PNPLA6: variants seen among roughly 807,000 people sequenced by gnomAD.
The protein encoded by PNPLA6 is patatin like domain 6, lysophospholipase.
In PNPLA6, 105 loss-of-function variants were observed where a neutral mutation model predicts 153.7. The ratio of observed to expected loss-of-function variants is 0.68; its 90% CI spans 0.58 to 0.80. The LOEUF is 0.80. Ranked by LOEUF, PNPLA6 falls within the 30% of genes least tolerant of loss-of-function variation. PNPLA6 has a pLI of 0.00. For synonymous variants in PNPLA6, 825 were observed against 822.2 expected (o/e 1.00, Z -0.06); for missense variants, 1,423 against 1,919.3 (o/e 0.74, Z 4.83).
At chr19:7,559,263 A>T in intron 28 of PNPLA6, 112 bp downstream of exon 28, 1 of 902,650 alleles carries the variant, frequency 1.1e-6, no homozygotes, top group Non-Finnish European at 1.8e-6. Context: ...CAGGAATCCC[A>T]TCTGGAATCT....
chr19:7,556,433 G>A lies in PNPLA6; in HGVS notation c.3094-20G>A, dbSNP rs780285884. 50 of 1,495,616 alleles carry A rather than the reference G, an allele frequency of 3.3e-5. No individual in the cohort carries two copies. The highest frequency in any genetic ancestry group is 1.7e-4 in the Middle Eastern group (1 of 5,868). 92.6% of individuals were successfully genotyped at this position (1,495,616 alleles called of 1,614,324 possible). A position where few individuals can be genotyped will look rare whatever the true frequency, so the allele number is the denominator to read the frequency against. On this transcript the variant is annotated intron_variant, in intron 24 of 31. Coordinates refer to ENST00000600737, the MANE Select transcript of PNPLA6 (RefSeq NM_001166114.2). ...CCCCATGTAACTCCTATTTGACCCT[G>A]TCTGGCCCCTTGTCCCTAGAGCATG...
intron 28 of PNPLA6, among the ~76,000 whole-genome samples, 158 bp downstream of exon 28, chr19:7,559,309 G>T (rs1282090023): frequency 6.6e-6 from 1 of 152,180 alleles, no homozygotes; most frequent in Non-Finnish European, 1.5e-5. Context: ...GGTGATGTCT[G>T]CAGGGGATGT....
At position 7,554,195 on chromosome 19, in the gene PNPLA6, C is replaced by A; in HGVS notation, c.2402-14C>A. 1 of 1,613,558 alleles carries A rather than the reference C, an allele frequency of 6.2e-7. No homozygotes were observed. The highest frequency in any genetic ancestry group is 1.1e-5 in the South Asian group (1 of 91,072). On this transcript the variant is annotated splice_polypyrimidine_tract_variant and intron_variant, in intron 19 of 31. Transcript: ENST00000600737. ...GACCATGGTTCCCAGCCTCCCTTCC[C>A]CACCTACCCCTAGGTCCGACGCTAC...
chr19:7,536,926 C>CAAAAAAAAAAA (rs56310906), intron 3 of PNPLA6, among the ~76,000 whole-genome samples: 2 of 53,964 alleles, frequency 3.7e-5, no homozygotes, highest in Admixed American at 2.1e-4. Context: ...GACTCTGTCT[C>CAAAAAAAAAAA]AAAAAAAAAA....
chr19:7,540,718 A>G lies in PNPLA6; in HGVS notation c.795+8A>G, dbSNP rs1293030452. The G allele has an allele frequency of 5.6e-6, 9 of 1,610,992 alleles. No individual in the cohort carries two copies. Among genetic ancestry groups the G allele is most frequent in the Non-Finnish European group, 7.6e-6 (9 of 1,177,204 alleles). Reference sequence around the variant, plus strand: ...ATCCTGGATGTCATCACCGTGAGTGACCAGTTTCTGAGGCAGGGGGGCTGG... The same window carrying G: ...ATCCTGGATGTCATCACCGTGAGTGGCCAGTTTCTGAGGCAGGGGGGCTGG... On this transcript the variant is annotated splice_region_variant and intron_variant, in intron 6 of 31. Transcript: ENST00000600737. This position sits in a 1 kb window ranked among gnomAD's most constrained non-coding sequence, Gnocchi z 6.8.
chr19:7,557,234 C>T lies in PNPLA6; in HGVS notation c.3347C>T (p.Pro1116Leu), dbSNP rs1389043015. 1 of 1,613,664 alleles carries T rather than the reference C, an allele frequency of 6.2e-7. No homozygotes were observed. The highest frequency in any genetic ancestry group is 8.5e-7 in the Non-Finnish European group (1 of 1,179,912). Residue 1116 changes from proline to leucine, a missense_variant, in exon 27 of 32, where the codon CCC (proline) becomes CTC (leucine). Transcript: ENST00000600737. ...GGCTACCTGCCCCCGCTGTGCGACC[C>T]CAAGGACGGGCACCTACTCATGGAT... Reference protein sequence around the residue: ...LSGYLPPLCDPKDGHLLMDGG... With the variant: ...LSGYLPPLCDLKDGHLLMDGG...
intron 3 of PNPLA6, among the ~76,000 whole-genome samples, chr19:7,538,713 C>T (rs2022986087): frequency 6.6e-6 from 1 of 152,158 alleles, no homozygotes; most frequent in South Asian, 2.1e-4. Flanking sequence ...GGGGCTGTCT[C>T]AAGGTTCTCT....
chr19:7,551,081 G>A lies in PNPLA6; in HGVS notation c.2158G>A (p.Gly720Ser), dbSNP rs1433689344. The change falls in exon 17 of 32, where the codon GGT becomes AGT. Residue 720 changes from glycine to serine, a missense_variant. Around this residue, in one of 10 missense-constraint regions of PNPLA6, gnomAD observed 63 missense variants for 166.2 expected, o/e 0.38. Transcript: ENST00000600737. ...ELAKLPEGTL[G>S]HIKRRYPQVV... ...GGCCAAGCTTCCCGAGGGCACCTTG[G>A]GTCACATCAAACGCCGGTACCCGCA... is the stretch of plus-strand genomic sequence containing the variant. The A allele has an allele frequency of 6.5e-7, 1 of 1,549,430 alleles. No homozygotes were observed. Among genetic ancestry groups the A allele is most frequent in the Admixed American group, 2.0e-5 (1 of 50,986 alleles).
At position 7,554,268 on chromosome 19, in the gene PNPLA6, G is replaced by C. The variant is rs779192117; in HGVS notation, c.2461G>C (p.Asp821His). 6.2e-7 allele frequency: 1 copy of C among 1,608,068 alleles called. No individual in the cohort carries two copies. Residue 821 changes from aspartate (D) to histidine (H), a missense_variant, in exon 20 of 32, where the codon GAT becomes CAT. Asp to His is a moderately conservative substitution (Grantham distance 81). Around this residue, in one of 10 missense-constraint regions of PNPLA6, gnomAD observed 643 missense variants for 835.2 expected, o/e 0.77. Coordinates refer to ENST00000600737, the MANE Select transcript of PNPLA6 (RefSeq NM_001166114.2). ...IRARLGASAL[D>H]SIQEFRLSGW... is the part of the protein sequence containing the mutation. Reference sequence around the variant, plus strand: ...GGCACGCCTGGGGGCCTCCGCACTGGATAGGTGTGTGTTGCAGAAGGGAGT... The same window carrying C: ...GGCACGCCTGGGGGCCTCCGCACTGCATAGGTGTGTGTTGCAGAAGGGAGT...
intron 13 of PNPLA6, among the ~76,000 whole-genome samples, chr19:7,545,341 C>T (rs1484072538): frequency 1.3e-5 from 2 of 152,106 alleles, no homozygotes; most frequent in African/African-American, 4.8e-5. Context: ...TCTGGAAATT[C>T]TGTCTTAGAA....
chr19:7,552,626 G>A (rs1302262134), intron 18 of PNPLA6, among the ~76,000 whole-genome samples: 4 of 151,762 alleles, frequency 2.6e-5, no homozygotes, highest in Non-Finnish European at 5.9e-5. Context: ...GTGGTGGTGG[G>A]TGCCTGTAAT....
In PNPLA6 at chr19:7,551,361, G is replaced by C. The variant is rs606231249; in HGVS notation, c.2185-1G>C. 1 of 1,613,874 alleles carries C rather than the reference G, an allele frequency of 6.2e-7. No individual in the cohort carries two copies. The highest frequency in any genetic ancestry group is 8.5e-7 in the Non-Finnish European group (1 of 1,179,970). On this transcript the variant is annotated splice_acceptor_variant, in intron 17 of 31. Transcript: ENST00000600737. LOFTEE classifies it high-confidence loss of function. ...GAAATGCCGGCCTCCAACGCCCCCA[G>C]GTCGTGACCCGCCTTATCCACCTAC...
chr19:7,542,023 C>A lies in PNPLA6; in HGVS notation c.1208C>A (p.Ala403Asp). 1 of 1,607,910 alleles carries A rather than the reference C, an allele frequency of 6.2e-7. No individual in the cohort carries two copies. Among genetic ancestry groups the A allele is most frequent in the Non-Finnish European group, 8.5e-7 (1 of 1,179,890 alleles). ...CCCACATCCCTGGAAACCCCCTCGG[C>A]CCCTCTGCTGAGCCGCTGCGTCTCC... Reference protein sequence around the residue: ...VKPTSLETPSAPLLSRCVSMP... With the variant: ...VKPTSLETPSDPLLSRCVSMP... Residue 403 changes from alanine to aspartate, a missense_variant, in exon 10 of 32, where the codon GCC becomes GAC. Transcript: ENST00000600737.
rs1309856946 is a variant in PNPLA6, at chr19:7,541,576, C to G, written c.1060C>G (p.Pro354Ala). Residue 354 changes from proline (P) to alanine (A), a missense_variant, in exon 9 of 32, where the codon CCT becomes GCT. By Grantham distance (27) the Pro-to-Ala change is conservative. Transcript: ENST00000600737. This position sits in a 1 kb window ranked among gnomAD's most constrained non-coding sequence, Gnocchi z 5.2. ...CCCCGGCCTCCCAACTCGCACCAGC[C>G]CTGTGCGGGGCTCCAAGAGAATGGT... is the stretch of plus-strand genomic sequence containing the variant. ...PSPGLPTRTSPVRGSKRMVST... is the reference protein window; with the variant it reads ...PSPGLPTRTSAVRGSKRMVST... 6.3e-6 allele frequency: 10 copies of G among 1,597,902 alleles called. No individual in the cohort carries two copies. The highest frequency in any genetic ancestry group is 8.5e-6 in the Non-Finnish European group (10 of 1,172,538).
In PNPLA6 at chr19:7,558,978, C is replaced by T; in HGVS notation, c.3526C>T (p.Pro1176Ser). The change falls in exon 28 of 32, where the codon CCC (proline) becomes TCC (serine). Residue 1176 changes from proline to serine, a missense_variant. Pro to Ser is a moderately conservative substitution (Grantham distance 74, BLOSUM62 -1). Coordinates refer to ENST00000600737, the MANE Select transcript of PNPLA6 (RefSeq NM_001166114.2). Reference sequence around the variant, plus strand: ...GTGGCTGCTGTGGAAGCGGCTGAATCCCTGGGCTGACAAGGTAAAGGTTCC... The same window carrying T: ...GTGGCTGCTGTGGAAGCGGCTGAATTCCTGGGCTGACAAGGTAAAGGTTCC... Reference protein sequence around the residue: ...GWWLLWKRLNPWADKVKVPDM... With the variant: ...GWWLLWKRLNSWADKVKVPDM... 6.2e-7 allele frequency: 1 copy of T among 1,614,208 alleles called. No homozygotes were observed. Among genetic ancestry groups the T allele is most frequent in the Non-Finnish European group, 8.5e-7 (1 of 1,180,038 alleles).
chr19:7,546,559 T>G (rs2023394618), intron 13 of PNPLA6, among the ~76,000 whole-genome samples: 1 of 152,042 alleles, frequency 6.6e-6, no homozygotes, highest in African/African-American at 2.4e-5. Context: ...CCACTGCACC[T>G]GGCCATGCCC....
At chr19:7,551,230 A>T in intron 17 of PNPLA6, 123 bp downstream of exon 17, 1 of 554,652 alleles carries the variant, frequency 1.8e-6, no homozygotes, top group Middle Eastern at 5.4e-4. Flanking sequence ...GAAGCGAGAG[A>T]GTGAGGGCGG....
intron 19 of PNPLA6, 40 bp downstream of exon 19, chr19:7,554,055 G>A (rs1452782911): frequency 6.4e-7 from 1 of 1,564,064 alleles, no homozygotes; most frequent in Non-Finnish European, 8.8e-7. Context: ...CTGGCGGTGG[G>A]TGGGACATTA....
chr19:7,551,174 A>G (rs1599296081), intron 17 of PNPLA6, 67 bp downstream of exon 17: 5 of 472,604 alleles, frequency 1.1e-5, no homozygotes, highest in South Asian at 1.7e-5. Flanking sequence ...GGCCGGGCCT[A>G]GTGTGTGGGC....
Sources: gnomAD v4.1 joint callset for allele counts (sites outside exome capture counted in the v4.1 genomes callset) on GRCh38, gnomAD v4.1.1 for gene constraint, gnomAD v4.1.1 regional missense constraint, Gnocchi (gnomAD v3.1) non-coding constraint, MANE v1.5 for transcripts, NCBI Gene and HGNC (gene_info 2026-07-23, HGNC 2026-07-21) for gene names.